MYBL1: variants seen among roughly 807,000 people sequenced by gnomAD.
MYBL1 encodes myb-related protein A.
A neutral mutation model predicts 96.3 loss-of-function variants in MYBL1; 17 were observed. That is an observed-to-expected ratio of 0.18 (90% CI 0.12 to 0.26). The LOEUF is 0.26. Ranked by LOEUF, MYBL1 falls within the 10% of genes least tolerant of loss-of-function variation. The pLI, the probability that MYBL1 is intolerant of heterozygous loss-of-function variation, is 1.00. For synonymous variants in MYBL1, 282 were observed against 292.7 expected (o/e 0.96, Z 0.37); for missense variants, 701 against 882.9 (o/e 0.79, Z 2.61).
At position 66,593,110 on chromosome 8, in the gene MYBL1, T is replaced by C; in HGVS notation, c.762+10A>G. On this transcript the variant is annotated intron_variant, in intron 7 of 15. Coordinates refer to ENST00000522677, the MANE Select transcript of MYBL1 (RefSeq NM_001080416.4). ...CATTTCCTTTGGTTTTCGTTATAAA[T>C]AAAAGTTACCTGAATAAAGGCAGAA... The C allele has an allele frequency of 6.5e-7, 1 of 1,539,880 alleles. No individual in the cohort carries two copies. The highest frequency in any genetic ancestry group is 1.2e-5 in the South Asian group (1 of 82,462).
intron 1 of MYBL1, among the ~76,000 whole-genome samples, chr8:66,611,660 A>C (rs1810532264): frequency 6.6e-6 from 1 of 152,206 alleles, no homozygotes; most frequent in East Asian, 1.9e-4. Context: ...ATTTCATCTC[A>C]AGAGTTTGTC....
chr8:66,584,581 G>A (rs1809339704), intron 8 of MYBL1, among the ~76,000 whole-genome samples: 1 of 152,120 alleles, frequency 6.6e-6, no homozygotes, highest in African/African-American at 2.4e-5. Context: ...TGTTTTGGCT[G>A]GGCATGGTGG....
intron 10 of MYBL1, among the ~76,000 whole-genome samples, chr8:66,574,762 G>A (rs1321754265): frequency 6.6e-6 from 1 of 152,206 alleles, no homozygotes; most frequent in African/African-American, 2.4e-5. Context: ...GCTATAAGAA[G>A]ATTGTTTGGA....
chr8:66,605,765 G>A (rs1411649492), intron 1 of MYBL1, among the ~76,000 whole-genome samples: 3 of 152,144 alleles, frequency 2.0e-5, no homozygotes, highest in East Asian at 3.9e-4. Flanking sequence ...ACAGTGAGCC[G>A]AGATTGCACC....
chr8:66,612,693 G>T, intron 1 of MYBL1, 126 bp downstream of exon 1: 1 of 1,163,806 alleles, frequency 8.6e-7, no homozygotes, highest in Non-Finnish European at 1.1e-6. Context: ...CGGCCGCGGG[G>T]ACGCGGGAAG....
At chr8:66,575,703 T>C (rs1808908852) in intron 10 of MYBL1, among the ~76,000 whole-genome samples, 1 of 152,018 alleles carries the variant, frequency 6.6e-6, no homozygotes, top group Non-Finnish European at 1.5e-5. Flanking sequence ...GGCGGGAAGA[T>C]CACTTGAGCC....
At chr8:66,583,398 C>T (rs529184717) in intron 8 of MYBL1, among the ~76,000 whole-genome samples, 6 of 151,860 alleles carry the variant, frequency 4.0e-5, no homozygotes, top group African/African-American at 1.4e-4. Context: ...AGAAACATTT[C>T]AAATAAACAA....
intron 1 of MYBL1, among the ~76,000 whole-genome samples, chr8:66,609,314 T>C (rs982793675): frequency 6.6e-6 from 1 of 152,080 alleles, no homozygotes; most frequent in Non-Finnish European, 1.5e-5. Flanking sequence ...TTAAATTTTT[T>C]ATTCTAAAAG....
Position 66,607,131 on chromosome 8 carries a change from A to AC in MYBL1, c.21-4609_21-4608insG, listed in dbSNP as rs1335962750. On this transcript the variant is annotated intron_variant, in intron 1 of 15. Coordinates refer to ENST00000522677, the MANE Select transcript of MYBL1 (RefSeq NM_001080416.4). Reference sequence around the variant, plus strand: ...TTTATTAAACTGTGTTAAAACAACAAAAAAAAAAAAAAAAAAAAACTCTAC... The same window carrying AC: ...TTTATTAAACTGTGTTAAAACAACAACAAAAAAAAAAAAAAAAAAACTCTAC... Among the ~76,000 whole-genome samples the AC allele has an allele frequency of 9.1e-3, 1,242 of 136,992 alleles. 10 individuals carry two copies. The highest frequency in any genetic ancestry group is 0.016 in the East Asian group (78 of 4,962). The allele number at this position is 136,992 out of a possible 152,430, so 89.9% of individuals were successfully genotyped here.
Position 66,597,527 on chromosome 8 carries a change from A to G in MYBL1, c.315T>C (p.Tyr105=), listed in dbSNP as rs1221799822. 3 of 1,611,198 alleles carry G rather than the reference A, an allele frequency of 1.9e-6. No homozygotes were observed. The highest frequency in any genetic ancestry group is 1.7e-6 in the Non-Finnish European group (2 of 1,178,088). The part of the protein sequence containing the change: ...DQRVIELVQK[Y]GPKRWSLIAK... ...CAATTAAAGACCATCTTTTTGGCCC[A>G]TATTTCTGAACTAATTCAATAACCT... Residue 105 remains tyrosine, a synonymous_variant, in exon 5 of 16, where the codon TAT becomes TAC. Coordinates refer to ENST00000522677, the MANE Select transcript of MYBL1 (RefSeq NM_001080416.4).
Position 66,563,742 on chromosome 8 carries a change from A to G in MYBL1, c.*955T>C, listed in dbSNP as rs926927133. 1.3e-5 allele frequency: 2 copies of G among 152,466 alleles called. No homozygotes were observed. The highest frequency in any genetic ancestry group is 2.9e-5 in the Non-Finnish European group (2 of 67,950). The allele number at this position is 152,466 out of a possible 1,614,324, so 9.4% of individuals were successfully genotyped here. On this transcript the variant is annotated 3_prime_UTR_variant, in exon 16 of 16. Transcript: ENST00000522677. ...AATTATTATTTAGTACATTTTTAGA[A>G]CTACTTTATAACCAGCATGATTTAA...
rs927043531 is a variant in MYBL1, at chr8:66,563,391, T to C, written c.*1306A>G. On this transcript the variant is annotated 3_prime_UTR_variant, in exon 16 of 16. Transcript: ENST00000522677. The stretch of plus-strand genomic sequence containing the variant: ...TATATGACTGAAAAAAAATTACATA[T>C]AATCTCTACCACAAAAGCAAATAAA... 6.6e-6 allele frequency: 1 copy of C among 152,520 alleles called. No homozygotes were observed. Among genetic ancestry groups the C allele is most frequent in the Admixed American group, 6.5e-5 (1 of 15,272 alleles). 9.4% of individuals were successfully genotyped at this position (152,520 alleles called of 1,614,324 possible). A position where few individuals can be genotyped will look rare whatever the true frequency, so the allele number is the denominator to read the frequency against.
chr8:66,576,301 T>C lies in MYBL1; in HGVS notation c.1176A>G (p.Pro392=), dbSNP rs766835198. ...DAAASPIKST[P]VKLMRIQHNE... is the part of the protein sequence containing the mutation. ...TGTGCTGAATTCTCATTAATTTAACTGGGGTGGATTTGATAGGAGAAGCAG... is the reference window on the plus strand; with the variant it reads ...TGTGCTGAATTCTCATTAATTTAACCGGGGTGGATTTGATAGGAGAAGCAG... The change falls in exon 10 of 16, where the codon CCA becomes CCG. Residue 392 remains proline (P), a synonymous_variant. Coordinates refer to ENST00000522677, the MANE Select transcript of MYBL1 (RefSeq NM_001080416.4). 1.2e-6 allele frequency: 2 copies of C among 1,613,880 alleles called. No individual in the cohort carries two copies. Among genetic ancestry groups the C allele is most frequent in the East Asian group, 2.2e-5 (1 of 44,898 alleles).
Position 66,566,194 on chromosome 8 carries a change from A to G in MYBL1, c.2000T>C (p.Ile667Thr). The change falls in exon 15 of 16, where the codon ATA becomes ACA. Residue 667 changes from isoleucine to threonine, a missense_variant. This residue lies in a region of MYBL1 where 137 missense variants were observed against 137.5 expected (regional missense o/e 1.00). Transcript: ENST00000522677. ...AATCAAGTTGCACCTATTGTCATGT[A>G]TTTCCAATAATGGTATCATTAATAA... Reference protein sequence around the residue: ...TSLLMIPLLEIHDNRCNLIPE... With the variant: ...TSLLMIPLLETHDNRCNLIPE... The G allele has an allele frequency of 6.6e-6, 10 of 1,514,818 alleles. No individual in the cohort carries two copies. Among genetic ancestry groups the G allele is most frequent in the Non-Finnish European group, 9.0e-6 (10 of 1,113,314 alleles). 93.8% of individuals were successfully genotyped at this position (1,514,818 alleles called of 1,614,324 possible).
intron 8 of MYBL1, among the ~76,000 whole-genome samples, chr8:66,586,625 T>C (rs1395036914): frequency 1.3e-5 from 2 of 152,176 alleles, no homozygotes. Context: ...ATGGAGGCTC[T>C]TCAAAAAACT....
At chr8:66,610,557 T>C (rs1810488557) in intron 1 of MYBL1, among the ~76,000 whole-genome samples, 1 of 152,110 alleles carries the variant, frequency 6.6e-6, no homozygotes, top group African/African-American at 2.4e-5. Context: ...TTGAAGTAAC[T>C]GAATTATTTC....
intron 9 of MYBL1, among the ~76,000 whole-genome samples, chr8:66,578,263 C>T (rs1433430448): frequency 6.7e-6 from 1 of 149,880 alleles, no homozygotes; most frequent in Non-Finnish European, 1.5e-5. Context: ...TTCTGCACAG[C>T]AAAAGAAACT....
At chr8:66,590,682 C>CA (rs1220309492) in intron 8 of MYBL1, among the ~76,000 whole-genome samples, 19 of 146,486 alleles carry the variant, frequency 1.3e-4, no homozygotes, top group Admixed American at 2.0e-4. Context: ...GACTCTGTCT[C>CA]AAAAAAAAAT....
chr8:66,587,139 T>C (rs1233948645), intron 8 of MYBL1, among the ~76,000 whole-genome samples: 1 of 152,142 alleles, frequency 6.6e-6, no homozygotes, highest in East Asian at 1.9e-4. Flanking sequence ...CAGTGTTCTA[T>C]AGCACTATAG....
Sources: allele counts gnomAD v4.1 joint callset (sites outside exome capture counted in the v4.1 genomes callset), GRCh38; gene constraint gnomAD v4.1.1; regional missense constraint gnomAD v4.1.1; transcripts MANE v1.5; gene names NCBI Gene and HGNC (gene_info 2026-07-23, HGNC 2026-07-21).